Variants in DEUP1 observed in about 807,000 individuals in gnomAD.
DEUP1 encodes the protein deuterosome assembly protein 1, also known as coiled-coil domain containing 67.
DEUP1 carries 82 observed loss-of-function variants against 87.4 expected under a neutral mutation model. The ratio of observed to expected loss-of-function variants is 0.94; its 90% CI spans 0.78 to 1.13. DEUP1 has a LOEUF of 1.13. Among genes scored for constraint, DEUP1 ranks in the 50% most tolerant of loss-of-function variants. The probability of loss-of-function intolerance (pLI) is 0.00; values close to 1 mark genes in which losing one functional copy is unlikely to be tolerated. For missense variants in DEUP1, 663 were observed against 681.5 expected (o/e 0.97, Z 0.30); for synonymous variants, 214 against 222.7 (o/e 0.96, Z 0.35).
intron 7 of DEUP1, among the ~76,000 whole-genome samples, chr11:93,376,301 T>C (rs939310817): frequency 8.5e-5 from 13 of 152,290 alleles, no homozygotes; most frequent in African/African-American, 3.1e-4. Context: ...TTCTGTTTCT[T>C]CTAGGAGTTT....
intron 2 of DEUP1, among the ~76,000 whole-genome samples, chr11:93,337,984 A>G (rs955449978): frequency 6.6e-6 from 1 of 152,168 alleles, no homozygotes; most frequent in African/African-American, 2.4e-5. Context: ...CTGGTTGTCT[A>G]TGGTGCTTAG....
At chr11:93,364,840 A>G (rs1048212742) in intron 5 of DEUP1, among the ~76,000 whole-genome samples, 1 of 152,074 alleles carries the variant, frequency 6.6e-6, no homozygotes, top group African/African-American at 2.4e-5. Context: ...GTACCCACAA[A>G]AATTAAAAAC....
chr11:93,335,301 T>C (rs902137825), intron 2 of DEUP1, among the ~76,000 whole-genome samples: 5 of 152,368 alleles, frequency 3.3e-5, no homozygotes, highest in South Asian at 2.1e-4. Context: ...ATTATTCTTG[T>C]AGTCTATTGC....
chr11:93,365,010 A>G (rs1437333555), intron 5 of DEUP1, among the ~76,000 whole-genome samples: 2 of 152,036 alleles, frequency 1.3e-5, no homozygotes, highest in Non-Finnish European at 2.9e-5. Flanking sequence ...ATAAATTCCT[A>G]TCATCTACTT....
intron 2 of DEUP1, among the ~76,000 whole-genome samples, chr11:93,342,660 G>T (rs1944139812): frequency 6.6e-6 from 1 of 152,184 alleles, no homozygotes; most frequent in Non-Finnish European, 1.5e-5. Context: ...TGTTTCTTTA[G>T]CTGGTTGCAT....
chr11:93,414,554 T>TA (rs1287511454), intron 12 of DEUP1, among the ~76,000 whole-genome samples: 2 of 151,888 alleles, frequency 1.3e-5, no homozygotes, highest in African/African-American at 4.8e-5. Flanking sequence ...TTGTTTAGCA[T>TA]AAAAAATAGT....
At chr11:93,375,277 C>G (rs1176187253) in intron 7 of DEUP1, among the ~76,000 whole-genome samples, 2 of 152,008 alleles carry the variant, frequency 1.3e-5, no homozygotes, top group Non-Finnish European at 2.9e-5. Flanking sequence ...TTTGGATGCC[C>G]TTTATTTCTT....
chr11:93,341,755 T>C (rs1565291874), intron 2 of DEUP1, among the ~76,000 whole-genome samples: 1 of 152,168 alleles, frequency 6.6e-6, no homozygotes, highest in Non-Finnish European at 1.5e-5. Context: ...CCTATGGTTA[T>C]TATAATAAAT....
At chr11:93,401,374 G>C (rs1049270003) in intron 11 of DEUP1, among the ~76,000 whole-genome samples, 1 of 151,898 alleles carries the variant, frequency 6.6e-6, no homozygotes, top group African/African-American at 2.4e-5. Flanking sequence ...TACTCACAGC[G>C]ATTTACAGAT....
chr11:93,407,228 C>T (rs899496606), intron 11 of DEUP1, among the ~76,000 whole-genome samples: 165 of 151,632 alleles, frequency 1.1e-3, no homozygotes, highest in African/African-American at 3.6e-3. Flanking sequence ...CTGAATTCAA[C>T]AATAGAAGAA....
intron 12 of DEUP1, among the ~76,000 whole-genome samples, chr11:93,413,493 C>G (rs1227287023): frequency 6.6e-6 from 1 of 152,190 alleles, no homozygotes; most frequent in East Asian, 1.9e-4. Flanking sequence ...CTGCCTGCCT[C>G]AGCCTCTCAA....
rs1036050426 is a variant in DEUP1, at chr11:93,416,024, A to G, written c.1638+910A>G. 3.9e-5 allele frequency among the ~76,000 whole-genome samples: 6 copies of G among 152,256 alleles called. No homozygotes were observed. The Middle Eastern group carries it at 0.01, about 259-fold the overall frequency. On this transcript the variant is annotated intron_variant, in intron 13 of 13. Transcript: ENST00000298050. Reference sequence around the variant, plus strand: ...TGGGTATGCATACCTAAAATGGAATACCGAGGTCATAGGATATGAATATGG... The same window carrying G: ...TGGGTATGCATACCTAAAATGGAATGCCGAGGTCATAGGATATGAATATGG...
Position 93,385,549 on chromosome 11 carries a change from A to G in DEUP1, c.935+6A>G. 3 of 1,584,294 alleles carry G rather than the reference A, an allele frequency of 1.9e-6. No individual in the cohort carries two copies. The highest frequency in any genetic ancestry group is 1.7e-6 in the Non-Finnish European group (2 of 1,170,246). On this transcript the variant is annotated splice_donor_region_variant and intron_variant, in intron 8 of 13. Transcript: ENST00000298050. Reference sequence around the variant, plus strand: ...GCTCAAGGAAATAAAACAAGGTATAATCTTTATATTTGACAATCTGAGAGA... The same window carrying G: ...GCTCAAGGAAATAAAACAAGGTATAGTCTTTATATTTGACAATCTGAGAGA...
intron 9 of DEUP1, among the ~76,000 whole-genome samples, chr11:93,393,059 C>T (rs1404088866): frequency 1.4e-5 from 2 of 146,096 alleles, no homozygotes; most frequent in South Asian, 2.1e-4. Context: ...TTCTCCTCCT[C>T]CTCCTCCTTC....
chr11:93,371,063 A>G lies in DEUP1; in HGVS notation c.572A>G (p.Gln191Arg), dbSNP rs368214633. ...AAACAGGCACAAAGTTACCAAACTC[A>G]ACTAAATGGTAAAAAACAGTGCTTA... is the stretch of plus-strand genomic sequence containing the variant. ...FQKQAQSYQT[Q>R]LNGKKQCLED... The change falls in exon 7 of 14, where the codon CAA (glutamine) becomes CGA (arginine). Residue 191 changes from glutamine (Q) to arginine (R), a missense_variant. Transcript: ENST00000298050. The G allele has an allele frequency of 8.1e-6, 13 of 1,611,474 alleles. No homozygotes were observed. In the African/African-American group the frequency reaches 1.7e-4, roughly 22 times the overall value.
At position 93,394,868 on chromosome 11, in the gene DEUP1, C is replaced by G. The variant is rs186608381; in HGVS notation, c.1239+212C>G. 2.0e-3 allele frequency among the ~76,000 whole-genome samples: 311 copies of G among 152,248 alleles called. 1 individual carries two copies. Among genetic ancestry groups the G allele is most frequent in the Middle Eastern group, 0.01 (3 of 294 alleles). On this transcript the variant is annotated intron_variant, in intron 10 of 13. Transcript: ENST00000298050. ...GGACTAGGGAAATGACAGTGCAAGA[C>G]AATTTCATTAAATCTCATCTTTCCA...
rs200488619 is a variant in DEUP1 at position 93,355,462 on chromosome 11, C to A, written c.121C>A (p.Arg41=). Residue 41 remains arginine (R), a synonymous_variant, in exon 3 of 14, where the codon CGG becomes AGG. Transcript: ENST00000298050. ...GAAAATGGATTGGGAAAGAAAGATG[C>A]GGGCTTTGGAGACACGATTAGATCT... The part of the protein sequence containing the change: ...NKKMDWERKM[R]ALETRLDLRD... The A allele has an allele frequency of 5.6e-6, 9 of 1,613,614 alleles. No homozygotes were observed. The highest frequency in any genetic ancestry group is 1.7e-4 in the Middle Eastern group (1 of 6,058).
At chr11:93,356,840 T>C in intron 3 of DEUP1, 108 bp from the exon 4 acceptor site, 3 of 710,478 alleles carry the variant, frequency 4.2e-6, no homozygotes, top group Non-Finnish European at 7.4e-6. Context: ...TATTTACTCT[T>C]GGTTTGGTAC....
intron 11 of DEUP1, among the ~76,000 whole-genome samples, chr11:93,407,972 T>C (rs1947329446): frequency 6.6e-6 from 1 of 152,106 alleles, no homozygotes; most frequent in South Asian, 2.1e-4. Context: ...CAATATTGTA[T>C]GTATTGCACC....
Sources: allele counts gnomAD v4.1 joint callset (sites outside exome capture counted in the v4.1 genomes callset), GRCh38; gene constraint gnomAD v4.1.1; transcripts MANE v1.5; gene names NCBI Gene and HGNC (gene_info 2026-07-23, HGNC 2026-07-21).